RNGTT: variants seen among roughly 807,000 people sequenced by gnomAD.
RNGTT encodes RNA guanylyltransferase and 5'-phosphatase, also known as mRNA-capping enzyme.
RNGTT carries 33 observed loss-of-function variants against 79.3 expected under a neutral mutation model. That is an observed-to-expected ratio of 0.42 (90% CI 0.32 to 0.56). The LOEUF is 0.56. Ranked by LOEUF, RNGTT falls within the 20% of genes least tolerant of loss-of-function variation. The pLI, the probability that RNGTT is intolerant of heterozygous loss-of-function variation, is 0.17. For missense variants in RNGTT, 497 were observed against 739.1 expected (o/e 0.67, Z 3.80); for synonymous variants, 222 against 235.9 (o/e 0.94, Z 0.54).
intron 4 of RNGTT, among the ~76,000 whole-genome samples, chr6:88,914,893 T>C (rs1027210748): frequency 2.0e-5 from 3 of 151,820 alleles, no homozygotes; most frequent in Non-Finnish European, 4.4e-5. Flanking sequence ...AGGACTAATA[T>C]CCAGAATCTA....
chr6:88,870,942 C>A (rs1310919080), intron 8 of RNGTT, among the ~76,000 whole-genome samples: 1 of 152,024 alleles, frequency 6.6e-6, no homozygotes, highest in African/African-American at 2.4e-5. Context: ...GTCATAAGAT[C>A]CCAAAATGAA....
intron 8 of RNGTT, among the ~76,000 whole-genome samples, chr6:88,889,619 A>G (rs1474637717): frequency 2.0e-5 from 3 of 152,218 alleles, no homozygotes; most frequent in Non-Finnish European, 4.4e-5. Flanking sequence ...TTCTATGTTA[A>G]TATCTGTTAA....
At chr6:88,705,436 CA>C (rs1256963364) in intron 13 of RNGTT, among the ~76,000 whole-genome samples, 2 of 151,770 alleles carry the variant, frequency 1.3e-5, no homozygotes, top group African/African-American at 2.4e-5. Flanking sequence ...TTTTGGTATG[CA>C]AAACCAAAAC....
At chr6:88,942,552 G>A (rs983160410) in intron 1 of RNGTT, among the ~76,000 whole-genome samples, 5 of 151,688 alleles carry the variant, frequency 3.3e-5, no homozygotes, top group African/African-American at 4.8e-5. Context: ...TGTGTTTTTT[G>A]TAGGGATGAG....
intron 11 of RNGTT, among the ~76,000 whole-genome samples, chr6:88,832,515 T>C (rs914005467): frequency 1.7e-4 from 26 of 152,094 alleles, no homozygotes; most frequent in African/African-American, 2.7e-4. Flanking sequence ...ATTCAGGACA[T>C]AGGCATAGGC....
intron 13 of RNGTT, among the ~76,000 whole-genome samples, chr6:88,741,903 C>G (rs571866587): frequency 6.6e-6 from 1 of 152,112 alleles, no homozygotes; most frequent in East Asian, 1.9e-4. Context: ...ACTGGTAGGA[C>G]GACCTGATCT....
chr6:88,802,188 C>T (rs1039601589), intron 11 of RNGTT, among the ~76,000 whole-genome samples: 5 of 152,170 alleles, frequency 3.3e-5, no homozygotes, highest in Non-Finnish European at 5.9e-5. Context: ...TAACCACAAA[C>T]CAGCTCAAAC....
chr6:88,794,679 G>C (rs1248741748), intron 12 of RNGTT, among the ~76,000 whole-genome samples: 2 of 152,118 alleles, frequency 1.3e-5, no homozygotes, highest in Non-Finnish European at 2.9e-5. Context: ...AACCAAAAGA[G>C]AGCTTGTGAG....
At chr6:88,939,173 A>G (rs1329179428) in intron 2 of RNGTT, among the ~76,000 whole-genome samples, 1 of 152,150 alleles carries the variant, frequency 6.6e-6, no homozygotes, top group Non-Finnish European at 1.5e-5. Flanking sequence ...GTTTTAATCT[A>G]TTATTTCATT....
At chr6:88,728,834 A>G (rs1311344488) in intron 13 of RNGTT, among the ~76,000 whole-genome samples, 1 of 152,230 alleles carries the variant, frequency 6.6e-6, no homozygotes, top group Non-Finnish European at 1.5e-5. Flanking sequence ...GAAGTTAAAG[A>G]CTTAAAACAA....
At chr6:88,876,809 G>A (rs35774157) in intron 8 of RNGTT, among the ~76,000 whole-genome samples, 14,484 of 152,222 alleles carry the variant, frequency 0.095, 884 homozygotes, top group Middle Eastern at 0.2. Flanking sequence ...CTGGCCAACT[G>A]AAAATTCTGA....
At chr6:88,789,247 C>T (rs1466774367) in intron 12 of RNGTT, among the ~76,000 whole-genome samples, 7 of 152,032 alleles carry the variant, frequency 4.6e-5, no homozygotes, top group Admixed American at 4.6e-4. Flanking sequence ...TGGGGAAACC[C>T]CATCGCTACT....
chr6:88,803,933 T>A (rs1213411930), intron 11 of RNGTT, among the ~76,000 whole-genome samples: 1 of 152,166 alleles, frequency 6.6e-6, no homozygotes, highest in Non-Finnish European at 1.5e-5. Context: ...TCAGAGTATT[T>A]AAAGGACTGA....
intron 12 of RNGTT, among the ~76,000 whole-genome samples, chr6:88,771,515 T>A (rs1412848193): frequency 2.0e-5 from 3 of 151,778 alleles, no homozygotes; most frequent in Non-Finnish European, 4.4e-5. Context: ...CAAAACACTT[T>A]TAGCTAATGT....
At chr6:88,773,884 C>T (rs983962752) in intron 12 of RNGTT, among the ~76,000 whole-genome samples, 1 of 152,040 alleles carries the variant, frequency 6.6e-6, no homozygotes, top group South Asian at 2.1e-4. Context: ...TAAGGCTCTG[C>T]GATCTTAGAT....
chr6:88,624,132 G>C (rs1277975191), intron 14 of RNGTT, among the ~76,000 whole-genome samples: 2 of 151,848 alleles, frequency 1.3e-5, no homozygotes, highest in Non-Finnish European at 2.9e-5. Context: ...CCATGTTCAT[G>C]GATTGAAAGA....
intron 6 of RNGTT, among the ~76,000 whole-genome samples, chr6:88,897,707 G>C (rs746432913): frequency 2.0e-5 from 3 of 152,134 alleles, no homozygotes; most frequent in Non-Finnish European, 2.9e-5. Context: ...CTGAGAACTT[G>C]ACTTTTGGAG....
chr6:88,624,490 CTT>C (rs1010124579), intron 14 of RNGTT, among the ~76,000 whole-genome samples: 12 of 151,798 alleles, frequency 7.9e-5, no homozygotes, highest in African/African-American at 2.2e-4. Context: ...AAATGATAGT[CTT>C]TTCAATAAAT....
rs1373714931 is a variant in RNGTT, at chr6:88,612,844, T to C, written c.1669A>G (p.Met557Val). Reference sequence around the variant, plus strand: ...CATCTGTCGATGAACTCAAACAGCATCTCCTTGGTGACAGGGTTTGAGATG... The same window carrying C: ...CATCTGTCGATGAACTCAAACAGCACCTCCTTGGTGACAGGGTTTGAGATG... ...NSISNPVTKE[M>V]LFEFIDRCTA... The change falls in exon 16 of 16, where the codon ATG becomes GTG. Residue 557 changes from methionine (M) to valine (V), a missense_variant. Transcript: ENST00000369485. The C allele has an allele frequency of 6.2e-7, 1 of 1,613,806 alleles. No homozygotes were observed. Among genetic ancestry groups the C allele is most frequent in the South Asian group, 1.1e-5 (1 of 91,048 alleles).
Sources: allele counts gnomAD v4.1 joint callset (sites outside exome capture counted in the v4.1 genomes callset), GRCh38; gene constraint gnomAD v4.1.1; transcripts MANE v1.5; gene names NCBI Gene and HGNC (gene_info 2026-07-23, HGNC 2026-07-21).